SYAP1: variants seen among roughly 807,000 people sequenced by gnomAD.
SYAP1 encodes the protein synapse-associated protein 1.
In SYAP1, 3 loss-of-function variants were observed where a neutral mutation model predicts 29.6. The observed-to-expected ratio is 0.10, with a 90% CI of 0.05 to 0.26. The LOEUF (loss-of-function observed/expected upper bound fraction) is 0.26. Among genes scored for constraint, SYAP1 ranks in the 10% least tolerant of loss-of-function variants. The pLI is 1.00. For missense variants in SYAP1, 217 were observed against 264.1 expected (o/e 0.82, Z 1.24); for synonymous variants, 102 against 102.7 (o/e 0.99, Z 0.04).
chrX:16,757,655 G>A (rs1186067166), intron 8 of SYAP1, among the ~76,000 whole-genome samples: 3 of 110,610 alleles, frequency 2.7e-5, no homozygotes, highest in South Asian at 7.6e-4. Context: ...CCTGGGAGGC[G>A]GAGCTTGCAG....
rs1926987351 is a variant in SYAP1, at chrX:16,761,644, G to A, written c.*1285G>A. ...GCTGAGATCACGCCACTGCACTCCA[G>A]CCTGGGTGACAGAGTGAGAGACTCC... On this transcript the variant is annotated 3_prime_UTR_variant, in exon 9 of 9. Coordinates refer to ENST00000380155, the MANE Select transcript of SYAP1 (RefSeq NM_032796.4). 9.0e-6 allele frequency: 1 copy of A among 110,709 alleles called. No homozygotes were observed. Among genetic ancestry groups the A allele is most frequent in the Admixed American group, 9.8e-5 (1 of 10,188 alleles). The allele number at this position is 110,709 out of a possible 1,213,427, so 9.1% of individuals were successfully genotyped here. A position where few individuals can be genotyped will look rare whatever the true frequency, so the allele number is the denominator to read the frequency against.
rs959880286 is a variant in SYAP1 at position 16,763,637 on chromosome X, G to A, written c.*3278G>A. On this transcript the variant is annotated 3_prime_UTR_variant, in exon 9 of 9. Coordinates refer to ENST00000380155, the MANE Select transcript of SYAP1 (RefSeq NM_032796.4). ...CCCAAAGTGTTGGGATTACAGGCAT[G>A]AGCCACAGCCTTAATTGGTAATTTT... 3.6e-5 allele frequency: 4 copies of A among 110,600 alleles called. No homozygotes were observed. Among genetic ancestry groups the A allele is most frequent in the Non-Finnish European group, 7.6e-5 (4 of 52,969 alleles). 9.1% of individuals were successfully genotyped at this position (110,600 alleles called of 1,213,427 possible).
At chrX:16,722,773 C>T (rs1050724846) in intron 1 of SYAP1, among the ~76,000 whole-genome samples, 1 of 111,545 alleles carries the variant, frequency 9.0e-6, no homozygotes, top group Non-Finnish European at 1.9e-5. Context: ...CCGATTGTCA[C>T]TGTCTCCAAA....
intron 1 of SYAP1, 140 bp downstream of exon 1, chrX:16,720,039 G>T (rs774810295): frequency 7.4e-5 from 44 of 598,047 alleles, no homozygotes; most frequent in Non-Finnish European, 1.1e-4. Context: ...CTGTCGGTCA[G>T]TCCTCTCCGG....
intron 5 of SYAP1, among the ~76,000 whole-genome samples, chrX:16,754,496 G>A (rs1926798782): frequency 9.0e-6 from 1 of 111,576 alleles, no homozygotes; most frequent in Non-Finnish European, 1.9e-5. Flanking sequence ...TTGGGAGGCC[G>A]AGGCGGGCAG....
intron 1 of SYAP1, among the ~76,000 whole-genome samples, chrX:16,734,677 G>A (rs1926284323): frequency 1.8e-5 from 2 of 110,288 alleles, no homozygotes; most frequent in South Asian, 7.6e-4. Context: ...CAGCTACTGG[G>A]AAGAGTATAC....
intron 4 of SYAP1, among the ~76,000 whole-genome samples, chrX:16,742,091 G>A (rs1029752947): frequency 5.0e-5 from 5 of 99,424 alleles, no homozygotes; most frequent in South Asian, 4.7e-4. Flanking sequence ...TCAGCCTCCT[G>A]AATAGCTGGG....
intron 3 of SYAP1, among the ~76,000 whole-genome samples, chrX:16,738,975 G>T (rs1177111838): frequency 9.0e-6 from 1 of 111,519 alleles, no homozygotes; most frequent in Non-Finnish European, 1.9e-5. Flanking sequence ...GAACCAAGAG[G>T]TTTTGGTCAC....
chrX:16,742,432 G>A (rs768420232), intron 4 of SYAP1, among the ~76,000 whole-genome samples: 1 of 109,357 alleles, frequency 9.1e-6, no homozygotes, highest in African/African-American at 3.3e-5. Context: ...GATTATAGGC[G>A]TGAGCTACCA....
chrX:16,737,673 G>A (rs1317005625), intron 3 of SYAP1, among the ~76,000 whole-genome samples: 2 of 111,523 alleles, frequency 1.8e-5, no homozygotes, highest in East Asian at 5.6e-4. Flanking sequence ...TAGACATCCC[G>A]GAGATAGGAA....
chrX:16,760,467 A>G lies in SYAP1; in HGVS notation c.*108A>G. On this transcript the variant is annotated 3_prime_UTR_variant, in exon 9 of 9. Coordinates refer to ENST00000380155, the MANE Select transcript of SYAP1 (RefSeq NM_032796.4). ...GGCATGAAAGAGTATAATTTTATGA[A>G]ATTCAAAATTATTCTTTTTTCAAGT... The G allele has an allele frequency of 1.2e-6, 1 of 828,348 alleles. No individual in the cohort carries two copies. Among genetic ancestry groups the G allele is most frequent in the Non-Finnish European group, 1.6e-6 (1 of 617,679 alleles). The allele number at this position is 828,348 out of a possible 1,213,427, so 68.3% of individuals were successfully genotyped here. A position where few individuals can be genotyped will look rare whatever the true frequency, so the allele number is the denominator to read the frequency against.
At position 16,762,200 on chromosome X, in the gene SYAP1, G is replaced by C. The variant is rs1308834328; in HGVS notation, c.*1841G>C. 3.6e-5 allele frequency: 4 copies of C among 111,625 alleles called. No individual in the cohort carries two copies. Among genetic ancestry groups the C allele is most frequent in the Non-Finnish European group, 7.5e-5 (4 of 53,215 alleles). 9.2% of individuals were successfully genotyped at this position (111,625 alleles called of 1,213,427 possible). On this transcript the variant is annotated 3_prime_UTR_variant, in exon 9 of 9. Transcript: ENST00000380155. ...GAAGCATGTTAAATGTTTTTAAGCA[G>C]CTAAAAGTCCTAGATGGAAGCATAT...
rs1927067750 is a variant in SYAP1, at chrX:16,765,138, A to G, written c.*4779A>G. 1 of 112,498 alleles carries G rather than the reference A, an allele frequency of 8.9e-6. No individual in the cohort carries two copies. Among genetic ancestry groups the G allele is most frequent in the Non-Finnish European group, 1.9e-5 (1 of 53,354 alleles). 9.3% of individuals were successfully genotyped at this position (112,498 alleles called of 1,213,427 possible). ...TACACATGAAGCTTTAATCACATGC[A>G]GTTATATACTTCTCACAAATCATCA... On this transcript the variant is annotated 3_prime_UTR_variant, in exon 9 of 9. Coordinates refer to ENST00000380155, the MANE Select transcript of SYAP1 (RefSeq NM_032796.4).
At chrX:16,748,592 C>T (rs1461817310) in intron 5 of SYAP1, among the ~76,000 whole-genome samples, 1 of 111,870 alleles carries the variant, frequency 8.9e-6, no homozygotes, top group Non-Finnish European at 1.9e-5. Flanking sequence ...ATTCTGATGA[C>T]AGTAGGGAAA....
intron 1 of SYAP1, among the ~76,000 whole-genome samples, chrX:16,728,646 C>A (rs773430107): frequency 1.4e-3 from 154 of 108,613 alleles, no homozygotes; most frequent in Non-Finnish European, 2.6e-3. Context: ...GCCTGGGCAA[C>A]AGAGTGAGAC....
Position 16,760,221 on chromosome X carries a change from G to A in SYAP1, c.932-11G>A. 8.6e-7 allele frequency: 1 copy of A among 1,163,481 alleles called. No individual in the cohort carries two copies. Among genetic ancestry groups the A allele is most frequent in the South Asian group, 2.1e-5 (1 of 48,670 alleles). On this transcript the variant is annotated splice_polypyrimidine_tract_variant and intron_variant, in intron 8 of 8. Transcript: ENST00000380155. Reference sequence around the variant, plus strand: ...AGAGAGAATCTTTTTCTTCTCCTTTGTTTCTTTTAGAGGATTCTGCAGATT... The same window carrying A: ...AGAGAGAATCTTTTTCTTCTCCTTTATTTCTTTTAGAGGATTCTGCAGATT...
chrX:16,756,576 T>C lies in SYAP1; in HGVS notation c.725-87T>C, dbSNP rs1926844737. 3 of 810,171 alleles carry C rather than the reference T, an allele frequency of 3.7e-6. No individual in the cohort carries two copies. In the East Asian group the frequency reaches 9.7e-5, roughly 26 times the overall value. 66.8% of individuals were successfully genotyped at this position (810,171 alleles called of 1,213,427 possible). On this transcript the variant is annotated intron_variant, in intron 6 of 8. Transcript: ENST00000380155. The stretch of plus-strand genomic sequence containing the variant: ...CATTTCTGAAAATTATTTAGTATCA[T>C]AATACTTGTGGATATTTTACTGTGA...
intron 5 of SYAP1, among the ~76,000 whole-genome samples, chrX:16,744,968 A>C (rs1320456636): frequency 8.9e-6 from 1 of 112,237 alleles, no homozygotes; most frequent in Non-Finnish European, 1.9e-5. Flanking sequence ...CCCTGTCTCA[A>C]ATAAAAGACA....
rs1314076630 is a variant in SYAP1, at chrX:16,764,991, A to T, written c.*4632A>T. 8.9e-6 allele frequency: 1 copy of T among 112,209 alleles called. No individual in the cohort carries two copies. The highest frequency in any genetic ancestry group is 1.9e-5 in the Non-Finnish European group (1 of 53,304). 9.2% of individuals were successfully genotyped at this position (112,209 alleles called of 1,213,427 possible). ...GATTACAGGCATGATGAGCCACTGC[A>T]CCTGGCCAAAAGTGGCAGAAATTTT... is the stretch of plus-strand genomic sequence containing the variant. On this transcript the variant is annotated 3_prime_UTR_variant, in exon 9 of 9. Coordinates refer to ENST00000380155, the MANE Select transcript of SYAP1 (RefSeq NM_032796.4).
Sources: gnomAD v4.1 joint callset for allele counts (sites outside exome capture counted in the v4.1 genomes callset) on GRCh38, gnomAD v4.1.1 for gene constraint, MANE v1.5 for transcripts, NCBI Gene and HGNC (gene_info 2026-07-23, HGNC 2026-07-21) for gene names.